Variants in CRY1 observed in about 807,000 individuals in gnomAD.
CRY1 encodes the protein cryptochrome circadian regulator 1, also known as cryptochrome-1.
A neutral mutation model predicts 76.0 loss-of-function variants in CRY1; 45 were observed. The ratio of observed to expected loss-of-function variants is 0.59; its 90% CI spans 0.47 to 0.76. CRY1 has a LOEUF of 0.76. CRY1 is among the 30% of genes least tolerant of loss of function. The pLI is 0.00. For missense variants in CRY1, 587 were observed against 716.4 expected (o/e 0.82, Z 2.06); for synonymous variants, 248 against 244.0 (o/e 1.02, Z -0.15).
rs1953304018 is a variant in CRY1 at position 107,080,057 on chromosome 12, CTA to C, written c.158+12745_158+12746del. On this transcript the variant is annotated intron_variant, in intron 1 of 12. Transcript: ENST00000008527. ...GAGAGGGAAGAATGTATTTATGTAACTATTTTATTTCTGAATAAATCTTCCTC... is the reference window on the plus strand; with the variant it reads ...GAGAGGGAAGAATGTATTTATGTAACTTTTATTTCTGAATAAATCTTCCTC... Among the ~76,000 whole-genome samples the C allele has an allele frequency of 2.0e-5, 3 of 152,090 alleles. 1 individual carries two copies. The South Asian group carries it at 6.2e-4, about 31-fold the overall frequency.
intron 1 of CRY1, among the ~76,000 whole-genome samples, chr12:107,042,035 C>A (rs1422550266): frequency 6.6e-6 from 1 of 151,998 alleles, no homozygotes; most frequent in East Asian, 1.9e-4. Flanking sequence ...GGTGCCAACA[C>A]TGGAACAATT....
intron 1 of CRY1, among the ~76,000 whole-genome samples, chr12:107,067,141 C>T (rs1424837098): frequency 6.6e-6 from 1 of 152,098 alleles, no homozygotes; most frequent in East Asian, 1.9e-4. Flanking sequence ...TGGGACAAAT[C>T]TGACCTGTGG....
chr12:106,995,004 T>C (rs1952217958), intron 10 of CRY1, among the ~76,000 whole-genome samples: 1 of 152,228 alleles, frequency 6.6e-6, no homozygotes, highest in South Asian at 2.1e-4. Flanking sequence ...AAATATTTTC[T>C]CTTGTAAACA....
At chr12:107,049,162 T>C (rs1174696126) in intron 1 of CRY1, among the ~76,000 whole-genome samples, 5 of 152,196 alleles carry the variant, frequency 3.3e-5, no homozygotes, top group Admixed American at 2.6e-4. Flanking sequence ...AAAGCTGAAA[T>C]AGTCCAGGGC....
intron 1 of CRY1, among the ~76,000 whole-genome samples, chr12:107,059,887 T>C (rs1277850305): frequency 6.6e-6 from 1 of 152,240 alleles, no homozygotes; most frequent in Non-Finnish European, 1.5e-5. Context: ...GCCTATTATG[T>C]GATCTCAGTG....
chr12:106,999,941 C>G lies in CRY1; in HGVS notation c.825+1G>C. ...CAATAAGCTCTAATTTTAGAGAATA[C>G]CTTTTTGTAGAGATCTGTTAGTTTG... On this transcript the variant is annotated splice_donor_variant, in intron 6 of 12. Coordinates refer to ENST00000008527, the MANE Select transcript of CRY1 (RefSeq NM_004075.5). LOFTEE classifies it high-confidence loss of function. 1 of 1,594,456 alleles carries G rather than the reference C, an allele frequency of 6.3e-7. No individual in the cohort carries two copies. Among genetic ancestry groups the G allele is most frequent in the East Asian group, 2.2e-5 (1 of 44,810 alleles).
intron 1 of CRY1, among the ~76,000 whole-genome samples, chr12:107,090,134 G>A (rs965314602): frequency 4.6e-5 from 7 of 150,906 alleles, no homozygotes; most frequent in African/African-American, 7.4e-5. Flanking sequence ...CTGTTGCCCA[G>A]GCTGGAGTGC....
intron 1 of CRY1, among the ~76,000 whole-genome samples, chr12:107,085,970 A>G (rs1025017997): frequency 4.6e-5 from 7 of 152,210 alleles, no homozygotes; most frequent in African/African-American, 1.7e-4. Context: ...AATGCTGATT[A>G]AAATATAGAC....
At chr12:107,069,532 A>G (rs905900003) in intron 1 of CRY1, among the ~76,000 whole-genome samples, 24 of 143,238 alleles carry the variant, frequency 1.7e-4, no homozygotes, top group African/African-American at 5.4e-4. Flanking sequence ...TTTGTTATAT[A>G]TATATTATAT....
chr12:107,075,647 C>T (rs1343579551), intron 1 of CRY1, among the ~76,000 whole-genome samples: 1 of 152,178 alleles, frequency 6.6e-6, no homozygotes, highest in Non-Finnish European at 1.5e-5. Flanking sequence ...GACACCCACC[C>T]TGTGCCACGT....
chr12:107,089,224 T>C (rs1359697772), intron 1 of CRY1, among the ~76,000 whole-genome samples: 1 of 152,264 alleles, frequency 6.6e-6, no homozygotes, highest in Non-Finnish European at 1.5e-5. Flanking sequence ...TAAGTTTTTG[T>C]ATAGGATAAT....
Position 107,005,185 on chromosome 12 carries a change from C to G in CRY1, c.331G>C (p.Ala111Pro). 6.2e-7 allele frequency: 1 copy of G among 1,613,470 alleles called. No individual in the cohort carries two copies. The highest frequency in any genetic ancestry group is 8.5e-7 in the Non-Finnish European group (1 of 1,179,802). The change falls in exon 3 of 13, where the codon GCA becomes CCA. Residue 111 changes from alanine (A) to proline (P), a missense_variant. Ala to Pro is a conservative substitution (Grantham distance 27). Coordinates refer to ENST00000008527, the MANE Select transcript of CRY1 (RefSeq NM_004075.5). ...DSEPFGKERD[A>P]AIKKLATEAG... ...TCAGTTGCCAGTTTCTTAATAGCTG[C>G]GTCTCGTTCCTTTCCAAAGGGCTCA...
chr12:107,015,273 T>A (rs1952487237), intron 2 of CRY1, among the ~76,000 whole-genome samples: 2 of 152,128 alleles, frequency 1.3e-5, no homozygotes, highest in Non-Finnish European at 2.9e-5. Context: ...TTCATCTCCT[T>A]GTTAATATGG....
chr12:107,056,747 G>C (rs1469730410), intron 1 of CRY1, among the ~76,000 whole-genome samples: 2 of 152,066 alleles, frequency 1.3e-5, no homozygotes, highest in African/African-American at 4.8e-5. Flanking sequence ...CAAAAAATGA[G>C]AAAAATCTTC....
rs1387238360 is a variant in CRY1, at chr12:107,078,818, C to CTG, written c.158+13985_158+13986insCA. Among the ~76,000 whole-genome samples, 3 of 152,242 alleles carry CTG rather than the reference C, an allele frequency of 2.0e-5. No individual in the cohort carries two copies. In the East Asian group the frequency reaches 5.8e-4, roughly 29 times the overall value. ...GCACAAAGTATGAGGATCTTACACT[C>CTG]TACTTTCTCCCTCACCCTCCTCCTC... On this transcript the variant is annotated intron_variant, in intron 1 of 12. Transcript: ENST00000008527.
At chr12:107,065,455 C>G (rs898970735) in intron 1 of CRY1, among the ~76,000 whole-genome samples, 16 of 151,938 alleles carry the variant, frequency 1.1e-4, no homozygotes, top group African/African-American at 3.9e-4. Flanking sequence ...ATTAACCAAG[C>G]GTGGTGGTGC....
intron 1 of CRY1, among the ~76,000 whole-genome samples, chr12:107,080,733 G>A (rs1953312371): frequency 6.6e-6 from 1 of 152,102 alleles, no homozygotes; most frequent in East Asian, 1.9e-4. Context: ...AGTTTTGGTA[G>A]AGTGGGTGGG....
intron 1 of CRY1, among the ~76,000 whole-genome samples, chr12:107,045,213 G>C (rs1213070386): frequency 6.6e-6 from 1 of 151,992 alleles, no homozygotes; most frequent in East Asian, 1.9e-4. Context: ...GAGAAAATGG[G>C]ATGATCTATT....
At chr12:107,043,458 T>C (rs1952820837) in intron 1 of CRY1, among the ~76,000 whole-genome samples, 2 of 152,118 alleles carry the variant, frequency 1.3e-5, no homozygotes, top group African/African-American at 4.8e-5. Flanking sequence ...CTACCAAGCT[T>C]GAGCTGAAGC....
Sources: allele counts gnomAD v4.1 joint callset (sites outside exome capture counted in the v4.1 genomes callset), GRCh38; gene constraint gnomAD v4.1.1; transcripts MANE v1.5; gene names NCBI Gene and HGNC (gene_info 2026-07-23, HGNC 2026-07-21).